The following KCNMB4 variants were observed in gnomAD, a reference collection of about 807,000 sequenced individuals.
KCNMB4 encodes the protein calcium-activated potassium channel subunit beta-4.
Under a neutral mutation model 20.7 loss-of-function variants are expected in KCNMB4, and 3 were observed. That is an observed-to-expected ratio of 0.14 (90% confidence interval 0.07 to 0.37). The LOEUF (loss-of-function observed/expected upper bound fraction) is 0.37. Ranked by LOEUF, KCNMB4 falls within the 10% of genes least tolerant of loss-of-function variation. The pLI is 1.00. For synonymous variants in KCNMB4, 110 were observed against 113.4 expected (o/e 0.97, Z 0.19); for missense variants, 168 against 265.9 (o/e 0.63, Z 2.56).
At position 70,373,209 on chromosome 12, in the gene KCNMB4, G is replaced by GT. The variant is rs200107082; in HGVS notation, c.336+6140dup. 4.7e-3 allele frequency among the ~76,000 whole-genome samples: 711 copies of GT among 152,226 alleles called. 22 individuals are homozygous for GT. The highest frequency in any genetic ancestry group is 5.2e-3 in the Admixed American group (80 of 15,298). On this transcript the variant is annotated intron_variant, in intron 1 of 2. Transcript: ENST00000258111. Reference sequence around the variant, plus strand: ...GTCCACATCCTAACCCTCAAAAACTGTAAGTGTCTTATGTCACATAGCAAA... The same window carrying GT: ...GTCCACATCCTAACCCTCAAAAACTGTTAAGTGTCTTATGTCACATAGCAAA...
At chr12:70,369,633 T>C (rs2163915) in intron 1 of KCNMB4, among the ~76,000 whole-genome samples, 64,727 of 152,050 alleles carry the variant, frequency 0.43, 15,026 homozygotes, top group East Asian at 0.71. Context: ...TCCTCTCCCT[T>C]GAGTTTCCTG....
At chr12:70,398,321 A>G (rs1040634560) in intron 1 of KCNMB4, among the ~76,000 whole-genome samples, 4 of 152,120 alleles carry the variant, frequency 2.6e-5, no homozygotes, top group Non-Finnish European at 4.4e-5. Flanking sequence ...GAGATTTTGC[A>G]TATTTGAAAA....
At chr12:70,407,623 A>G (rs1015543947) in intron 2 of KCNMB4, among the ~76,000 whole-genome samples, 5 of 151,200 alleles carry the variant, frequency 3.3e-5, no homozygotes, top group African/African-American at 9.7e-5. Flanking sequence ...GCCCGCCACC[A>G]CACCCGGCTA....
At chr12:70,378,384 A>G (rs12230076) in intron 1 of KCNMB4, among the ~76,000 whole-genome samples, 2,826 of 152,230 alleles carry the variant, frequency 0.019, 58 homozygotes, top group East Asian at 0.1. Context: ...AACTCCTATA[A>G]TGTTATTTTA....
At chr12:70,381,088 G>A (rs907285895) in intron 1 of KCNMB4, among the ~76,000 whole-genome samples, 6 of 151,634 alleles carry the variant, frequency 4.0e-5, no homozygotes, top group African/African-American at 1.5e-4. Flanking sequence ...GGCAAAGGAT[G>A]TGAATAGTTT....
intron 1 of KCNMB4, among the ~76,000 whole-genome samples, chr12:70,377,943 G>A (rs1016304110): frequency 1.4e-5 from 2 of 145,484 alleles, no homozygotes; most frequent in Non-Finnish European, 3.0e-5. Context: ...ATCTCTTCAA[G>A]CTCTACTTCT....
intron 1 of KCNMB4, among the ~76,000 whole-genome samples, chr12:70,374,189 T>G (rs750407169): frequency 4.6e-5 from 7 of 152,250 alleles, no homozygotes; most frequent in Non-Finnish European, 1.0e-4. Flanking sequence ...ACATATCAGT[T>G]ATAATTTGCT....
intron 1 of KCNMB4, among the ~76,000 whole-genome samples, chr12:70,389,209 A>G (rs975933488): frequency 6.6e-6 from 1 of 152,166 alleles, no homozygotes; most frequent in Non-Finnish European, 1.5e-5. Flanking sequence ...GTTCACTTCT[A>G]TAACTTATTT....
chr12:70,407,460 CTTTTTTTTTTTTT>C (rs35371839), intron 2 of KCNMB4, among the ~76,000 whole-genome samples: 1 of 64,166 alleles, frequency 1.6e-5, no homozygotes. Flanking sequence ...GTGCTGAATT[CTTTTTTTTTTTTT>C]TTTTTTTTTT....
intron 2 of KCNMB4, among the ~76,000 whole-genome samples, chr12:70,419,949 G>A (rs1272268710): frequency 2.6e-5 from 4 of 152,068 alleles, no homozygotes; most frequent in African/African-American, 7.2e-5. Context: ...ATTTCATAAC[G>A]TGTGCTAATC....
intron 2 of KCNMB4, among the ~76,000 whole-genome samples, chr12:70,413,100 T>TA (rs1565864750): frequency 6.6e-6 from 1 of 152,286 alleles, no homozygotes; most frequent in African/African-American, 2.4e-5. Context: ...CTGTACTTTT[T>TA]AAAAAAAGCA....
At chr12:70,372,793 A>G (rs1593319921) in intron 1 of KCNMB4, among the ~76,000 whole-genome samples, 2 of 152,190 alleles carry the variant, frequency 1.3e-5, no homozygotes, top group East Asian at 1.9e-4. Flanking sequence ...CAGAATGTCA[A>G]GTTCTACAGA....
Position 70,433,773 on chromosome 12 carries a change from T to G in KCNMB4, c.*3120T>G, listed in dbSNP as rs559048075. On this transcript the variant is annotated 3_prime_UTR_variant, in exon 3 of 3. Coordinates refer to ENST00000258111, the MANE Select transcript of KCNMB4 (RefSeq NM_014505.6). ...CCTTGGTGAAATCATGAATCTGCTA[T>G]CTAGGAGAAACTCCCTTGTCCATTG... The G allele has an allele frequency of 1.3e-5, 2 of 152,378 alleles. No individual in the cohort carries two copies. The highest frequency in any genetic ancestry group is 4.1e-4 in the South Asian group (2 of 4,832). 9.4% of individuals were successfully genotyped at this position (152,378 alleles called of 1,614,324 possible).
Position 70,366,594 on chromosome 12 carries a change from C to T in KCNMB4, c.-141C>T. 4.6e-6 allele frequency: 2 copies of T among 434,598 alleles called. No individual in the cohort carries two copies. The highest frequency in any genetic ancestry group is 6.8e-6 in the Non-Finnish European group (2 of 294,734). The allele number at this position is 434,598 out of a possible 1,614,324, so 26.9% of individuals were successfully genotyped here. On this transcript the variant is annotated 5_prime_UTR_variant, in exon 1 of 3. Coordinates refer to ENST00000258111, the MANE Select transcript of KCNMB4 (RefSeq NM_014505.6). ...GCCTCGGCCCCTTTGTTCTCGCGCGCTCCCCCTCGCCGCCCACTCCCCTGC... is the reference window on the plus strand; with the variant it reads ...GCCTCGGCCCCTTTGTTCTCGCGCGTTCCCCCTCGCCGCCCACTCCCCTGC...
At chr12:70,406,767 G>T (rs984267379) in intron 2 of KCNMB4, among the ~76,000 whole-genome samples, 2 of 152,134 alleles carry the variant, frequency 1.3e-5, no homozygotes, top group Non-Finnish European at 2.9e-5. Context: ...GCCTCCCCCT[G>T]ACAGGGTTGT....
At chr12:70,388,080 T>C (rs1054864805) in intron 1 of KCNMB4, among the ~76,000 whole-genome samples, 1 of 152,176 alleles carries the variant, frequency 6.6e-6, no homozygotes, top group Non-Finnish European at 1.5e-5. Context: ...ATGTAACCAT[T>C]GTCTTTCTAT....
chr12:70,430,578 C>T lies in KCNMB4; in HGVS notation c.558C>T (p.Leu186=). The change falls in exon 3 of 3, where the codon CTC becomes CTT. Residue 186 remains leucine (L), a synonymous_variant. Transcript: ENST00000258111. ...TGGTGACATTTGTGGTGGGCGTTCTCATTGTGGTCCTGACCATCTGTGCCA... is the reference window on the plus strand; with the variant it reads ...TGGTGACATTTGTGGTGGGCGTTCTTATTGTGGTCCTGACCATCTGTGCCA... ...WPLVTFVVGV[L]IVVLTICAKS... The T allele has an allele frequency of 6.2e-7, 1 of 1,613,994 alleles. No individual in the cohort carries two copies. Among genetic ancestry groups the T allele is most frequent in the East Asian group, 2.2e-5 (1 of 44,882 alleles).
intron 1 of KCNMB4, among the ~76,000 whole-genome samples, chr12:70,381,708 T>C (rs1377166436): frequency 6.6e-6 from 1 of 152,192 alleles, no homozygotes; most frequent in Non-Finnish European, 1.5e-5. Context: ...AGTGGTTGCC[T>C]AAAGCTAGAA....
chr12:70,415,991 C>T (rs1257307168), intron 2 of KCNMB4, among the ~76,000 whole-genome samples: 1 of 152,174 alleles, frequency 6.6e-6, no homozygotes, highest in East Asian at 1.9e-4. Context: ...AGCTGAGTAC[C>T]AAGAAAGTCT....
Sources: gnomAD v4.1 joint callset for allele counts (sites outside exome capture counted in the v4.1 genomes callset) on GRCh38, gnomAD v4.1.1 for gene constraint, MANE v1.5 for transcripts, NCBI Gene and HGNC (gene_info 2026-07-23, HGNC 2026-07-21) for gene names.